The following CYRIB variants were observed in gnomAD, a reference collection of about 807,000 sequenced individuals.
CYRIB encodes CYFIP related Rac1 interactor B.
A neutral mutation model predicts 44.2 loss-of-function variants in CYRIB; 8 were observed. The ratio of observed to expected loss-of-function variants is 0.18; its 90% CI spans 0.11 to 0.33. The LOEUF is 0.33. Ranked by LOEUF, CYRIB falls within the 10% of genes least tolerant of loss-of-function variation. The probability of loss-of-function intolerance (pLI) is 1.00; values close to 1 mark genes in which losing one functional copy is unlikely to be tolerated. For synonymous variants in CYRIB, 131 were observed against 127.2 expected (o/e 1.03, Z -0.20); for missense variants, 185 against 382.8 (o/e 0.48, Z 4.31).
At chr8:129,965,562 C>T (rs201242415) in intron 2 of CYRIB, among the ~76,000 whole-genome samples, 3 of 151,906 alleles carry the variant, frequency 2.0e-5, no homozygotes, top group Admixed American at 1.3e-4. Flanking sequence ...TTTGGGAGGC[C>T]GAGGCGGGCG....
rs150595896 is a variant in CYRIB, at chr8:129,885,611, A to G, written c.-10-6140T>C. 3.2e-3 allele frequency among the ~76,000 whole-genome samples: 493 copies of G among 152,176 alleles called. 3 individuals carry two copies. The highest frequency in any genetic ancestry group is 0.011 in the African/African-American group (472 of 41,518). ...AGTATTCTGGGCCTCTGCCCACTAGATACCCCTTATCACCTCTGCTCCCAG... is the reference window on the plus strand; with the variant it reads ...AGTATTCTGGGCCTCTGCCCACTAGGTACCCCTTATCACCTCTGCTCCCAG... On this transcript the variant is annotated intron_variant, in intron 2 of 11. Coordinates refer to ENST00000519824, the Ensembl canonical transcript of CYRIB.
chr8:129,892,305 T>C (rs1013389165), intron 2 of CYRIB, among the ~76,000 whole-genome samples: 10 of 152,196 alleles, frequency 6.6e-5, no homozygotes, highest in African/African-American at 2.4e-4. Context: ...ACTATGAAAG[T>C]TTCTCTTGAA....
intron 1 of CYRIB, among the ~76,000 whole-genome samples, chr8:129,908,453 T>A (rs191802376): frequency 1.3e-5 from 2 of 152,306 alleles, no homozygotes; most frequent in Non-Finnish European, 2.9e-5. Context: ...AATTATTAAG[T>A]TATTTGAGCA....
In CYRIB at chr8:129,984,835, C is replaced by T. The variant is rs905478425; in HGVS notation, c.-295-13840G>A. On this transcript the variant is annotated intron_variant, in intron 1 of 14. Transcript: ENST00000401979. ...TGTTGCCCAGGCTGGAGTGCAATGGCGCGATTTCAGCTCACTGCAACCTCC... is the reference window on the plus strand; with the variant it reads ...TGTTGCCCAGGCTGGAGTGCAATGGTGCGATTTCAGCTCACTGCAACCTCC... 2.0e-5 allele frequency among the ~76,000 whole-genome samples: 3 copies of T among 152,180 alleles called. 1 individual carries two copies. Among genetic ancestry groups the T allele is most frequent in the Admixed American group, 1.3e-4 (2 of 15,286 alleles).
At chr8:129,861,589 C>CCA (rs760632986) in intron 5 of CYRIB, among the ~76,000 whole-genome samples, 1 of 151,774 alleles carries the variant, frequency 6.6e-6, no homozygotes, top group African/African-American at 2.4e-5. Context: ...CAAGCATGTG[C>CCA]CACCACACTC....
intron 2 of CYRIB, among the ~76,000 whole-genome samples, chr8:129,886,013 G>A (rs1044291668): frequency 2.0e-5 from 3 of 152,072 alleles, no homozygotes; most frequent in African/African-American, 4.8e-5. Context: ...TTTTCCTGAA[G>A]GACAACCTTT....
At chr8:129,857,051 C>T (rs757878439) in intron 5 of CYRIB, among the ~76,000 whole-genome samples, 10 of 152,182 alleles carry the variant, frequency 6.6e-5, no homozygotes, top group Non-Finnish European at 1.0e-4. Flanking sequence ...TGAACTATTT[C>T]TTCACAGACA....
At chr8:129,927,240 C>A (rs1408713084) in intron 1 of CYRIB, among the ~76,000 whole-genome samples, 2 of 152,008 alleles carry the variant, frequency 1.3e-5, no homozygotes, top group East Asian at 3.9e-4. Flanking sequence ...TGCAATGAGC[C>A]GAGATTGCGC....
intron 2 of CYRIB, among the ~76,000 whole-genome samples, chr8:129,886,247 G>A (rs1275707743): frequency 1.3e-5 from 2 of 152,168 alleles, no homozygotes; most frequent in Admixed American, 6.6e-5. Context: ...ACCAAAACTT[G>A]CATTTGGCTA....
intron 1 of CYRIB, among the ~76,000 whole-genome samples, chr8:129,989,415 AG>A (rs1300003122): frequency 6.6e-6 from 1 of 152,212 alleles, no homozygotes; most frequent in Non-Finnish European, 1.5e-5. Context: ...ATTATTTTGA[AG>A]GAACTCAAAT....
chr8:129,990,713 A>T (rs969850566), intron 1 of CYRIB, among the ~76,000 whole-genome samples: 6 of 151,894 alleles, frequency 4.0e-5, no homozygotes, highest in Non-Finnish European at 7.4e-5. Context: ...TTTTAGAGAC[A>T]GCGTCTCACT....
intron 3 of CYRIB, among the ~76,000 whole-genome samples, chr8:129,877,653 A>G (rs1370574809): frequency 2.5e-5 from 3 of 122,014 alleles, no homozygotes; most frequent in Non-Finnish European, 5.0e-5. Flanking sequence ...CATATCAAAA[A>G]AAAAAAAAAG....
intron 2 of CYRIB, among the ~76,000 whole-genome samples, chr8:129,954,971 T>C (rs1325736912): frequency 6.6e-6 from 1 of 152,096 alleles, no homozygotes; most frequent in Non-Finnish European, 1.5e-5. Flanking sequence ...GTATGTGCTG[T>C]GGCCGGACGC....
At chr8:129,844,674 C>T (rs1384641238) in intron 11 of CYRIB, among the ~76,000 whole-genome samples, 1 of 152,126 alleles carries the variant, frequency 6.6e-6, no homozygotes, top group African/African-American at 2.4e-5. Flanking sequence ...ATAATTACTA[C>T]AGGAAAGCAT....
At chr8:129,996,637 G>A (rs1298988614) in intron 1 of CYRIB, among the ~76,000 whole-genome samples, 2 of 152,128 alleles carry the variant, frequency 1.3e-5, no homozygotes, top group Non-Finnish European at 2.9e-5. Context: ...ATTACTGCTA[G>A]TAAACTAGCT....
chr8:129,950,867 T>G (rs1457998532), intron 2 of CYRIB, among the ~76,000 whole-genome samples: 1 of 152,198 alleles, frequency 6.6e-6, no homozygotes, highest in Admixed American at 6.5e-5. Flanking sequence ...TGAAAATCAC[T>G]TTAATTACAA....
chr8:129,865,299 G>A (rs2046657096), intron 4 of CYRIB, among the ~76,000 whole-genome samples: 1 of 152,294 alleles, frequency 6.6e-6, no homozygotes, highest in South Asian at 2.1e-4. Flanking sequence ...AACTAGCTCT[G>A]CAGATTTGTC....
At chr8:129,851,158 T>C (rs1021097405) in intron 8 of CYRIB, 7 of 470,828 alleles carry the variant, frequency 1.5e-5, no homozygotes, top group Non-Finnish European at 2.3e-5. Context: ...TAAGAACAAC[T>C]GCAACAATGC....
intron 1 of CYRIB, among the ~76,000 whole-genome samples, chr8:129,971,449 C>A (rs1233525768): frequency 6.6e-6 from 1 of 152,166 alleles, no homozygotes; most frequent in Non-Finnish European, 1.5e-5. Flanking sequence ...ACAGTTTTCT[C>A]ATTTAATGCT....
Sources: allele counts gnomAD v4.1 joint callset (sites outside exome capture counted in the v4.1 genomes callset), GRCh38; gene constraint gnomAD v4.1.1; transcripts MANE v1.5; gene names NCBI Gene and HGNC (gene_info 2026-07-23, HGNC 2026-07-21).